NAA10: variants seen among roughly 807,000 people sequenced by gnomAD.
NAA10 encodes N-alpha-acetyltransferase 10.
NAA10 carries 6 observed loss-of-function variants against 19.2 expected under a neutral mutation model. That is an observed-to-expected ratio of 0.31 (90% CI 0.17 to 0.62). The LOEUF is 0.62. Among genes scored for constraint, NAA10 ranks in the 20% least tolerant of loss-of-function variants. The pLI is 0.83. For synonymous variants in NAA10, 97 were observed against 79.9 expected, an observed-to-expected ratio of 1.21 and a Z score of -1.14; for missense variants, 101 against 198.4, an observed-to-expected ratio of 0.51 and a Z score of 2.95.
Position 153,930,178 on chromosome X carries a change from GCAC to G in NAA10, c.514_516del (p.Val172del). 8.3e-7 allele frequency: 1 copy of G among 1,211,417 alleles called. No individual in the cohort carries two copies. The highest frequency in any genetic ancestry group is 1.8e-5 in the South Asian group (1 of 56,961). ...TCCACCTTGTTCTCGATGGCACCCAGCACCACGTGCCTGCCCTTCTCTTTCAGC... is the reference window on the plus strand; with the variant it reads ...TCCACCTTGTTCTCGATGGCACCCAGCACGTGCCTGCCCTTCTCTTTCAGC... On this transcript the variant is annotated inframe_deletion, in exon 8 of 8. Coordinates refer to ENST00000464845, the MANE Select transcript of NAA10 (RefSeq NM_003491.4).
At chrX:153,932,150 A>T (rs374478781) in intron 5 of NAA10, 35 bp from the exon 6 acceptor site, 1 of 1,208,980 alleles carries the variant, frequency 8.3e-7, no homozygotes, top group African/African-American at 1.8e-5. Flanking sequence ...AGCTGCACGG[A>T]TTTGGCCAGG....
rs868995129 is a variant in NAA10 at position 153,930,008 on chromosome X, C to T, written c.687G>A (p.Glu229=). ...TESTDVKDSS[E]ASDSAS ...GGCTCTAGGAGGCTGAGTCGGAGGC[C>T]TCTGAGCTGTCCTTGACATCTGTGC... is the stretch of plus-strand genomic sequence containing the variant. Residue 229 remains glutamate (E), a synonymous_variant, in exon 8 of 8, where the codon GAG becomes GAA. Transcript: ENST00000464845. 5.8e-6 allele frequency: 7 copies of T among 1,210,695 alleles called. No individual in the cohort carries two copies. Among genetic ancestry groups the T allele is most frequent in the Non-Finnish European group, 7.8e-6 (7 of 894,838 alleles).
intron 7 of NAA10, 93 bp downstream of exon 7, chrX:153,930,670 T>A: frequency 1.1e-6 from 1 of 949,825 alleles, no homozygotes; most frequent in Admixed American, 2.2e-5. Context: ...CCACAAGAGC[T>A]GGCATCCAAA....
intron 5 of NAA10, 72 bp downstream of exon 5, chrX:153,932,244 G>A: frequency 1.8e-6 from 2 of 1,139,720 alleles, no homozygotes; most frequent in Non-Finnish European, 1.2e-6. Flanking sequence ...ACCAAAAGCT[G>A]AGGTACCCCA....
chrX:153,930,194 C>G lies in NAA10; in HGVS notation c.501G>C (p.Lys167Asn). 2 of 1,211,388 alleles carry G rather than the reference C, an allele frequency of 1.7e-6. No homozygotes were observed. The highest frequency in any genetic ancestry group is 2.2e-6 in the Non-Finnish European group (2 of 895,379). ...ELRRHLELKE[K>N]GRHVVLGAIE... is the part of the protein sequence containing the mutation. ...TGGCACCCAGCACCACGTGCCTGCC[C>G]TTCTCTTTCAGCTCCAGGTGCCGCC... The change falls in exon 8 of 8, where the codon AAG (lysine) becomes AAC (asparagine). Residue 167 changes from lysine to asparagine, a missense_variant. Around this residue, in one of 2 missense-constraint regions of NAA10, gnomAD observed 58 missense variants for 75.8 expected, o/e 0.77. Transcript: ENST00000464845.
rs1219213570 is a variant in NAA10, at chrX:153,934,931, G to A, written c.-27C>T. On this transcript the variant is annotated 5_prime_UTR_variant, in exon 1 of 8. Transcript: ENST00000464845. ...ACGGCGGCGGGGCTCGCGGGTCCCA[G>A]CGGATCGTGAAGGCGCAGTCAGCTG... 18 of 997,977 alleles carry A rather than the reference G, an allele frequency of 1.8e-5. No homozygotes were observed. The highest frequency in any genetic ancestry group is 4.0e-4 in the Middle Eastern group (1 of 2,478). 82.2% of individuals were successfully genotyped at this position (997,977 alleles called of 1,213,427 possible).
intron 6 of NAA10, chrX:153,931,229 T>C (rs1229932325): frequency 4.3e-6 from 4 of 922,174 alleles, no homozygotes; most frequent in Admixed American, 4.8e-5. Context: ...TGAGCAGCTC[T>C]GGGGCCGTGA....
chrX:153,932,206 TCCC>T, intron 5 of NAA10, 91 bp from the exon 6 acceptor site: 1 of 1,156,354 alleles, frequency 8.6e-7, no homozygotes. Flanking sequence ...GGTCCCTCCT[TCCC>T]CCCAATCCCA....
At chrX:153,930,533 G>C (rs1755916019) in intron 7 of NAA10, 6 of 458,711 alleles carry the variant, frequency 1.3e-5, no homozygotes, top group Non-Finnish European at 2.3e-5. Context: ...CTGGTCCCTA[G>C]ACCTCCCCAC....
At chrX:153,932,461 G>C (rs370046313) in intron 4 of NAA10, 30 bp from the exon 5 acceptor site, 292 of 1,200,648 alleles carry the variant, frequency 2.4e-4, no homozygotes, top group Non-Finnish European at 2.2e-4. Flanking sequence ...GATGGGGTGA[G>C]GGACTGGGAC....
intron 3 of NAA10, 185 bp from the exon 4 acceptor site, chrX:153,932,769 C>G (rs1216014390): frequency 2.1e-6 from 1 of 484,424 alleles, no homozygotes; most frequent in Non-Finnish European, 3.6e-6. Context: ...AAACCCCAAG[C>G]CTGCCGGGTG....
intron 7 of NAA10, 120 bp downstream of exon 7, chrX:153,930,643 G>T: frequency 1.3e-6 from 1 of 760,097 alleles, no homozygotes; most frequent in Non-Finnish European, 2.0e-6. Context: ...CTGAGGTCGT[G>T]ACTCCTGGCA....
In NAA10 at chrX:153,934,999, C is replaced by CCGGAGCTGGGCT; in HGVS notation, c.-107_-96dup. 1.2e-6 allele frequency: 1 copy of CCGGAGCTGGGCT among 844,245 alleles called. No individual in the cohort carries two copies. Among genetic ancestry groups the CCGGAGCTGGGCT allele is most frequent in the South Asian group, 5.0e-5 (1 of 20,029 alleles). 69.6% of individuals were successfully genotyped at this position (844,245 alleles called of 1,213,427 possible). On this transcript the variant is annotated 5_prime_UTR_variant, in exon 1 of 8. Coordinates refer to ENST00000464845, the MANE Select transcript of NAA10 (RefSeq NM_003491.4). Reference sequence around the variant, plus strand: ...GACGCCGGGACGGCCGGGGCTGGGACCGGAGCTGGGCTCGCTGGGCGACGG... The same window carrying CCGGAGCTGGGCT: ...GACGCCGGGACGGCCGGGGCTGGGACCGGAGCTGGGCTCGGAGCTGGGCTCGCTGGGCGACGG...
In NAA10 at chrX:153,934,959, G is replaced by A; in HGVS notation, c.-55C>T. On this transcript the variant is annotated 5_prime_UTR_variant, in exon 1 of 8. Transcript: ENST00000464845. ...GATCGTGAAGGCGCAGTCAGCTGCC[G>A]CCGCGCTCCGAAGCGACGCCGGGAC... 2.1e-6 allele frequency: 2 copies of A among 952,533 alleles called. No individual in the cohort carries two copies. The highest frequency in any genetic ancestry group is 2.6e-6 in the Non-Finnish European group (2 of 755,123). The allele number at this position is 952,533 out of a possible 1,213,427, so 78.5% of individuals were successfully genotyped here. A position where few individuals can be genotyped will look rare whatever the true frequency, so the allele number is the denominator to read the frequency against.
chrX:153,934,599 T>C (rs2065186293), intron 1 of NAA10, 124 bp from the exon 2 acceptor site: 1 of 642,910 alleles, frequency 1.6e-6, no homozygotes, highest in Non-Finnish European at 2.5e-6. Flanking sequence ...ACTGTGACGA[T>C]CTGACTTTGC....
rs1557107277 is a variant in NAA10, at chrX:153,930,848, CTGGGGGCAGAGGGT to C, written c.387-15_387-2del. 8.3e-7 allele frequency: 1 copy of C among 1,210,208 alleles called. No homozygotes were observed. Among genetic ancestry groups the C allele is most frequent in the Non-Finnish European group, 1.1e-6 (1 of 895,236 alleles). ...GTATTTGGGCTCCACTTCACTGATC[CTGGGGGCAGAGGGT>C]TAGAGAGCAAGGAGGAAGACCTGTA... is the stretch of plus-strand genomic sequence containing the variant. On this transcript the variant is annotated splice_acceptor_variant and splice_polypyrimidine_tract_variant and intron_variant, in intron 6 of 7. Transcript: ENST00000464845. LOFTEE classifies it high-confidence loss of function.
chrX:153,930,637 G>A lies in NAA10; in HGVS notation c.471+126C>T. ...TCTAAAGCCCAGCCTAGGAAACTGA[G>A]GTCGTGACTCCTGGCAACGTAGCCA... On this transcript the variant is annotated intron_variant, in intron 7 of 7. Coordinates refer to ENST00000464845, the MANE Select transcript of NAA10 (RefSeq NM_003491.4). 33 of 700,956 alleles carry A rather than the reference G, an allele frequency of 4.7e-5. No individual in the cohort carries two copies. The South Asian group carries it at 7.3e-4, about 16-fold the overall frequency. The allele number at this position is 700,956 out of a possible 1,213,427, so 57.8% of individuals were successfully genotyped here.
In NAA10 at chrX:153,930,111, C is replaced by A. The variant is rs782590073; in HGVS notation, c.584G>T (p.Arg195Leu). The A allele has an allele frequency of 8.3e-7, 1 of 1,211,139 alleles. No homozygotes were observed. Among genetic ancestry groups the A allele is most frequent in the Admixed American group, 2.2e-5 (1 of 45,986 alleles). The change falls in exon 8 of 8, where the codon CGC (arginine) becomes CTC (leucine). Residue 195 changes from arginine (R) to leucine (L), a missense_variant. Arg to Leu is a moderately radical substitution (Grantham distance 102, BLOSUM62 -2). This residue lies in a region of NAA10 where 58 missense variants were observed against 75.8 expected (regional missense o/e 0.77). Transcript: ENST00000464845. Reference sequence around the variant, plus strand: ...CTCGGCAGCCAGGCCCTTCTCCTCGCGACAGGCCTCTCCTGAGCTCGGAGG... The same window carrying A: ...CTCGGCAGCCAGGCCCTTCTCCTCGAGACAGGCCTCTCCTGAGCTCGGAGG... ...NSPPSSGEAC[R>L]EEKGLAAEDS...
intron 3 of NAA10, chrX:153,932,950 G>A (rs1355345075): frequency 4.7e-5 from 12 of 253,439 alleles, no homozygotes; most frequent in Non-Finnish European, 7.9e-5. Flanking sequence ...CTACTTGGGA[G>A]GCAGACATGA....
Sources: allele counts gnomAD v4.1 joint callset, GRCh38; gene constraint gnomAD v4.1.1; regional missense constraint gnomAD v4.1.1; transcripts MANE v1.5; gene names NCBI Gene and HGNC (gene_info 2026-07-23, HGNC 2026-07-21).